The following SH3PXD2B variants were observed in gnomAD, a reference collection of about 807,000 sequenced individuals.
SH3PXD2B encodes the protein SH3 and PX domain-containing protein 2B.
In SH3PXD2B, 37 loss-of-function variants were observed where a neutral mutation model predicts 73.1. The observed-to-expected ratio is 0.51, with a 90% CI of 0.39 to 0.67. The LOEUF (loss-of-function observed/expected upper bound fraction) is 0.67. Ranked by LOEUF, SH3PXD2B falls within the 30% of genes least tolerant of loss-of-function variation. SH3PXD2B has a pLI of 0.00. For synonymous variants in SH3PXD2B, 457 were observed against 480.5 expected (o/e 0.95, Z 0.64); for missense variants, 1,053 against 1,197.8 (o/e 0.88, Z 1.78).
Position 172,445,154 on chromosome 5 carries a change from C to T in SH3PXD2B, c.75+9124G>A, listed in dbSNP as rs959772249. Among the ~76,000 whole-genome samples, 1 of 152,214 alleles carries T rather than the reference C, an allele frequency of 6.6e-6. No homozygotes were observed. Among genetic ancestry groups the T allele is most frequent in the Non-Finnish European group, 1.5e-5 (1 of 68,036 alleles). ...AGTGCTGCCTTCCCCAGGACCAGGT[C>T]CCCCAGAAGCCCAGGGCACCTGTCT... is the stretch of plus-strand genomic sequence containing the variant. On this transcript the variant is annotated intron_variant, in intron 1 of 12. Transcript: ENST00000311601. This position sits in a 1 kb window ranked among gnomAD's most constrained non-coding sequence, Gnocchi z 5.2.
chr5:172,349,846 T>TC lies in SH3PXD2B; in HGVS notation c.1012+516dup, dbSNP rs548857703. 1.1e-4 allele frequency among the ~76,000 whole-genome samples: 16 copies of TC among 152,030 alleles called. No individual in the cohort carries two copies. In the South Asian group the frequency reaches 3.3e-3, roughly 32 times the overall value. The stretch of plus-strand genomic sequence containing the variant: ...CAACCTGGGATGGGAAAGCAACGCC[T>TC]CCCCTTTTTTTTTCTTTTTTTAAAT... On this transcript the variant is annotated intron_variant, in intron 10 of 12. Coordinates refer to ENST00000311601, the MANE Select transcript of SH3PXD2B (RefSeq NM_001017995.3).
At chr5:172,361,451 T>C (rs921809179) in intron 7 of SH3PXD2B, among the ~76,000 whole-genome samples, 2 of 152,218 alleles carry the variant, frequency 1.3e-5, no homozygotes, top group Admixed American at 1.3e-4. Context: ...CTCTCCCTTC[T>C]TCTTGCTGCC....
chr5:172,371,261 G>A (rs1245217630), intron 6 of SH3PXD2B, among the ~76,000 whole-genome samples: 1 of 152,150 alleles, frequency 6.6e-6, no homozygotes, highest in African/African-American at 2.4e-5. Context: ...TTTAAGTAAA[G>A]GTTAGAAAAA....
chr5:172,379,069 CAAAAAAAAAA>C (rs61301407), intron 5 of SH3PXD2B, among the ~76,000 whole-genome samples: 1 of 76,016 alleles, frequency 1.3e-5, no homozygotes, highest in South Asian at 4.7e-4. Context: ...GACTCTGTCT[CAAAAAAAAAA>C]AAAAAAAAAA....
chr5:172,354,001 C>A lies in SH3PXD2B; in HGVS notation c.672G>T (p.Glu224Asp). ...TGTACGGGTAGATGACTGTGTACTT[C>A]TCCTCTGTGGGGACAAAAGGAAGCT... ...DEFSLQPEEEEKYTVIYPYTA... is the reference protein window; with the variant it reads ...DEFSLQPEEEDKYTVIYPYTA... The change falls in exon 9 of 13, where the codon GAG (glutamate) becomes GAT (aspartate). Residue 224 changes from glutamate (E) to aspartate (D), a missense_variant. By Grantham distance (45) the Glu-to-Asp change is conservative (BLOSUM62 2). This residue lies in a region of SH3PXD2B where 466 missense variants were observed against 607.1 expected (regional missense o/e 0.77). Transcript: ENST00000311601. 6.2e-7 allele frequency: 1 copy of A among 1,614,124 alleles called. No homozygotes were observed. Among genetic ancestry groups the A allele is most frequent in the Non-Finnish European group, 8.5e-7 (1 of 1,179,980 alleles).
rs758252399 is a variant in SH3PXD2B, at chr5:172,422,442, G to A, written c.130C>T (p.Arg44Cys). The A allele has an allele frequency of 6.2e-6, 10 of 1,612,268 alleles. No individual in the cohort carries two copies. The highest frequency in any genetic ancestry group is 2.2e-5 in the East Asian group (1 of 44,868). ...TGGAGGTCAAAAAACTTGCTGTAGC[G>A]CCGGTAAATGGCCTCGGTGGAGCCG... Reference protein sequence around the residue: ...SSGSTEAIYRRYSKFFDLQMQ... With the variant: ...SSGSTEAIYRCYSKFFDLQMQ... The change falls in exon 2 of 13, where the codon CGC becomes TGC. Residue 44 changes from arginine (R) to cysteine (C), a missense_variant. By Grantham distance (180) the Arg-to-Cys change is radical. This residue lies in a region of SH3PXD2B where 466 missense variants were observed against 607.1 expected (regional missense o/e 0.77). Transcript: ENST00000311601.
intron 2 of SH3PXD2B, among the ~76,000 whole-genome samples, chr5:172,410,939 C>T (rs899083522): frequency 6.6e-6 from 1 of 152,212 alleles, no homozygotes; most frequent in Non-Finnish European, 1.5e-5. Context: ...CCAGTCCATG[C>T]ATCTTTGTCT....
chr5:172,362,933 G>A, intron 6 of SH3PXD2B, 64 bp from the exon 7 acceptor site: 1 of 1,607,058 alleles, frequency 6.2e-7, no homozygotes, highest in African/African-American at 1.3e-5. Context: ...AGGAGTCAGA[G>A]CAGTAGGGCG....
chr5:172,416,678 G>GTC (rs202035580), intron 2 of SH3PXD2B, among the ~76,000 whole-genome samples: 58 of 111,846 alleles, frequency 5.2e-4, no homozygotes, highest in African/African-American at 1.4e-3. Context: ...GAGACTGTGA[G>GTC]TCTCTCTCTC....
intron 1 of SH3PXD2B, among the ~76,000 whole-genome samples, chr5:172,433,383 T>C (rs2113487286): frequency 6.6e-6 from 1 of 152,228 alleles, no homozygotes; most frequent in Middle Eastern, 3.4e-3. Flanking sequence ...CGCTTTGGGG[T>C]GGTATGAATA....
rs771167078 is a variant in SH3PXD2B, at chr5:172,346,279, A to G, written c.1063-18T>C. The G allele has an allele frequency of 6.2e-7, 1 of 1,613,376 alleles. No homozygotes were observed. The highest frequency in any genetic ancestry group is 1.1e-5 in the South Asian group (1 of 91,076). ...CCTCGAGGCTGGTACGATCACACAC[A>G]GGGTTATCTCCAAGGCTAAGTGCAC... On this transcript the variant is annotated intron_variant, in intron 11 of 12. Transcript: ENST00000311601.
chr5:172,335,077 A>G lies in SH3PXD2B; in HGVS notation c.*3292T>C. 1.0e-6 allele frequency: 1 copy of G among 985,546 alleles called. No homozygotes were observed. The highest frequency in any genetic ancestry group is 4.7e-5 in the South Asian group (1 of 21,286). 61.1% of individuals were successfully genotyped at this position (985,546 alleles called of 1,614,324 possible). A position where few individuals can be genotyped will look rare whatever the true frequency, so the allele number is the denominator to read the frequency against. Reference sequence around the variant, plus strand: ...GACGACATACACCCACCAATGGCAAAGAAAGATTCCGAGCAGAACATGTGA... The same window carrying G: ...GACGACATACACCCACCAATGGCAAGGAAAGATTCCGAGCAGAACATGTGA... On this transcript the variant is annotated 3_prime_UTR_variant, in exon 13 of 13. Coordinates refer to ENST00000311601, the MANE Select transcript of SH3PXD2B (RefSeq NM_001017995.3).
chr5:172,416,664 C>T, intron 2 of SH3PXD2B, among the ~76,000 whole-genome samples: 3 of 114,186 alleles, frequency 2.6e-5, no homozygotes, highest in Non-Finnish European at 3.7e-5. Flanking sequence ...AGGACCTTTT[C>T]ATAGAGACTG....
intron 3 of SH3PXD2B, among the ~76,000 whole-genome samples, chr5:172,401,526 A>G (rs1758420301): frequency 6.6e-6 from 1 of 152,206 alleles, no homozygotes; most frequent in Admixed American, 6.5e-5. Context: ...CGGACCAGTC[A>G]AAGAATCCGG....
chr5:172,419,176 G>A (rs1758894060), intron 2 of SH3PXD2B, among the ~76,000 whole-genome samples: 1 of 152,194 alleles, frequency 6.6e-6, no homozygotes, highest in Non-Finnish European at 1.5e-5. Context: ...ACCCAGGTCT[G>A]TCTGACTGAA....
At chr5:172,325,412 T>C in intron 12 of SH3PXD2B, 3 of 1,462,456 alleles carry the variant, frequency 2.1e-6, no homozygotes, top group Non-Finnish European at 2.8e-6. Flanking sequence ...AATCAGCAAA[T>C]CTTCAGTCCT....
At chr5:172,419,232 A>G (rs1758898564) in intron 2 of SH3PXD2B, among the ~76,000 whole-genome samples, 1 of 152,202 alleles carries the variant, frequency 6.6e-6, no homozygotes, top group Non-Finnish European at 1.5e-5. Flanking sequence ...GGGAACTCAG[A>G]GAACCCAGTC....
intron 6 of SH3PXD2B, among the ~76,000 whole-genome samples, chr5:172,368,890 A>AT (rs1417757297): frequency 1.5e-5 from 2 of 134,316 alleles, no homozygotes; most frequent in African/African-American, 3.0e-5. Context: ...ATATAAAAAA[A>AT]AATATATATA....
intron 9 of SH3PXD2B, among the ~76,000 whole-genome samples, chr5:172,350,805 T>G (rs1439964639): frequency 6.6e-6 from 1 of 152,170 alleles, no homozygotes; most frequent in Non-Finnish European, 1.5e-5. Flanking sequence ...CGGCCTCTAC[T>G]TGCCCCTCTT....
Sources: allele counts gnomAD v4.1 joint callset (sites outside exome capture counted in the v4.1 genomes callset), GRCh38; gene constraint gnomAD v4.1.1; regional missense constraint gnomAD v4.1.1; non-coding constraint Gnocchi (gnomAD v3.1); transcripts MANE v1.5; gene names NCBI Gene and HGNC (gene_info 2026-07-23, HGNC 2026-07-21).